Variants in GABRB1 observed in about 807,000 individuals in gnomAD.
The protein encoded by GABRB1 is gamma-aminobutyric acid type A receptor subunit beta1.
Under a neutral mutation model 51.6 loss-of-function variants are expected in GABRB1, and 17 were observed. The observed-to-expected ratio is 0.33, with a 90% CI of 0.23 to 0.49. The LOEUF is 0.49. GABRB1 is among the 20% of genes least tolerant of loss of function. The probability of loss-of-function intolerance (pLI) is 0.99; values close to 1 mark genes in which losing one functional copy is unlikely to be tolerated. For missense variants in GABRB1, 410 were observed against 600.6 expected (o/e 0.68, Z 3.32); for synonymous variants, 247 against 218.9 (o/e 1.13, Z -1.14).
At chr4:47,263,196 T>TAATAAATAAATAAATAAATAAATA (rs60437394) in intron 4 of GABRB1, among the ~76,000 whole-genome samples, 7 of 149,376 alleles carry the variant, frequency 4.7e-5, no homozygotes, top group African/African-American at 1.5e-4. Context: ...AGTATAATAA[T>TAATAAATAAATAAATAAATAAATA]AATAAATAAA....
At chr4:47,302,014 A>C (rs961341644) in intron 4 of GABRB1, among the ~76,000 whole-genome samples, 2 of 152,190 alleles carry the variant, frequency 1.3e-5, no homozygotes, top group African/African-American at 4.8e-5. Context: ...TGAAAGGTAA[A>C]GCCCTTTCTA....
chr4:47,169,261 T>A (rs960057829), intron 4 of GABRB1, among the ~76,000 whole-genome samples: 1 of 152,164 alleles, frequency 6.6e-6, no homozygotes. Context: ...TCACTGACTA[T>A]TTGATTATCT....
At chr4:47,295,006 G>A (rs1723915967) in intron 4 of GABRB1, among the ~76,000 whole-genome samples, 1 of 152,242 alleles carries the variant, frequency 6.6e-6, no homozygotes, top group Non-Finnish European at 1.5e-5. Context: ...AGGGTCTGGA[G>A]TGGACCTCTA....
At chr4:47,195,452 TAGATTAGATGATA>T (rs1719637684) in intron 4 of GABRB1, among the ~76,000 whole-genome samples, 60 of 96,628 alleles carry the variant, frequency 6.2e-4, no homozygotes, top group East Asian at 3.2e-3. Context: ...AGATGATAGA[TAGATTAGATGATA>T]GATAGATAGA....
intron 4 of GABRB1, among the ~76,000 whole-genome samples, chr4:47,185,155 A>T (rs1719123331): frequency 6.6e-6 from 1 of 151,854 alleles, no homozygotes; most frequent in Admixed American, 6.6e-5. Context: ...TCCTTTGCCA[A>T]GTAGTTATTT....
intron 4 of GABRB1, among the ~76,000 whole-genome samples, chr4:47,292,330 T>A (rs1451374453): frequency 6.6e-6 from 1 of 152,236 alleles, no homozygotes; most frequent in Non-Finnish European, 1.5e-5. Flanking sequence ...AATTGCCCAG[T>A]CTTGGGTATG....
chr4:47,001,404 A>G (rs181723566), intron 1 of GABRB1, among the ~76,000 whole-genome samples: 13 of 152,310 alleles, frequency 8.5e-5, no homozygotes, highest in Admixed American at 2.6e-4. Context: ...GGCCTCCCAA[A>G]GTGCTGGAAT....
At position 47,254,361 on chromosome 4, in the gene GABRB1, G is replaced by GTTTTT. The variant is rs56838956; in HGVS notation, c.462-65739_462-65735dup. Among the ~76,000 whole-genome samples, 26 of 80,966 alleles carry GTTTTT rather than the reference G, an allele frequency of 3.2e-4. 1 individual carries two copies. The highest frequency in any genetic ancestry group is 4.2e-4 in the African/African-American group (8 of 19,266). 53.1% of individuals were successfully genotyped at this position (80,966 alleles called of 152,430 possible). A position where few individuals can be genotyped will look rare whatever the true frequency, so the allele number is the denominator to read the frequency against. The stretch of plus-strand genomic sequence containing the variant: ...ATGGTGGATGATGTTTCTTTTCTTT[G>GTTTTT]TTTTTTTTTTTTTTTTTTTTTTTTT... On this transcript the variant is annotated intron_variant, in intron 4 of 8. Coordinates refer to ENST00000295454, the MANE Select transcript of GABRB1 (RefSeq NM_000812.4).
intron 3 of GABRB1, among the ~76,000 whole-genome samples, chr4:47,081,349 C>A (rs1020418245): frequency 2.6e-5 from 4 of 152,112 alleles, no homozygotes; most frequent in African/African-American, 9.7e-5. Context: ...TAACCTCAAC[C>A]ACTTGGTTGT....
chr4:47,372,624 A>G (rs1449364345), intron 5 of GABRB1, among the ~76,000 whole-genome samples: 2 of 152,226 alleles, frequency 1.3e-5, no homozygotes. Context: ...AAAAGAGTCA[A>G]GTCGGCTCTG....
At chr4:47,022,984 A>G (rs1216540626) in intron 1 of GABRB1, among the ~76,000 whole-genome samples, 1 of 152,096 alleles carries the variant, frequency 6.6e-6, no homozygotes, top group Non-Finnish European at 1.5e-5. Context: ...ACAGAGTACT[A>G]TTCAGCCATA....
At chr4:47,054,854 G>C (rs1726518214) in intron 3 of GABRB1, among the ~76,000 whole-genome samples, 1 of 152,186 alleles carries the variant, frequency 6.6e-6, no homozygotes, top group South Asian at 2.1e-4. Context: ...CAAAGTGCTG[G>C]GATTACAGGC....
At chr4:47,261,709 A>C (rs1037066359) in intron 4 of GABRB1, among the ~76,000 whole-genome samples, 2 of 152,082 alleles carry the variant, frequency 1.3e-5, no homozygotes, top group African/African-American at 4.8e-5. Context: ...GTTCATATGG[A>C]ACCAAAAAAG....
chr4:47,357,864 A>G (rs187760105), intron 5 of GABRB1, among the ~76,000 whole-genome samples: 12 of 152,260 alleles, frequency 7.9e-5, no homozygotes, highest in African/African-American at 2.6e-4. Context: ...TTTCTACTCA[A>G]ACTAGCCTTA....
chr4:47,133,015 G>A (rs1344078222), intron 3 of GABRB1, among the ~76,000 whole-genome samples: 1 of 151,722 alleles, frequency 6.6e-6, no homozygotes, highest in East Asian at 1.9e-4. Context: ...TTCTTTTTTT[G>A]AAACCCATCA....
intron 4 of GABRB1, among the ~76,000 whole-genome samples, chr4:47,217,831 T>C (rs1720614442): frequency 6.6e-6 from 1 of 151,802 alleles, no homozygotes; most frequent in African/African-American, 2.4e-5. Context: ...TCATTTCTTT[T>C]TGCTGGAAAC....
At chr4:47,261,474 C>T (rs1722434653) in intron 4 of GABRB1, among the ~76,000 whole-genome samples, 1 of 152,128 alleles carries the variant, frequency 6.6e-6, no homozygotes, top group African/African-American at 2.4e-5. Context: ...ACCTAGGAAT[C>T]CAACTTACAA....
At chr4:47,333,561 A>G (rs1271602067) in intron 5 of GABRB1, among the ~76,000 whole-genome samples, 1 of 152,198 alleles carries the variant, frequency 6.6e-6, no homozygotes, top group East Asian at 1.9e-4. Context: ...CTAAAAATAC[A>G]AAAATTAGCT....
intron 5 of GABRB1, among the ~76,000 whole-genome samples, chr4:47,402,912 C>T (rs994533695): frequency 2.0e-5 from 3 of 152,114 alleles, no homozygotes; most frequent in Non-Finnish European, 4.4e-5. Flanking sequence ...TATCTGTTAT[C>T]CATTTAACAA....
Sources: gnomAD v4.1 joint callset for allele counts (sites outside exome capture counted in the v4.1 genomes callset) on GRCh38, gnomAD v4.1.1 for gene constraint, MANE v1.5 for transcripts, NCBI Gene and HGNC (gene_info 2026-07-23, HGNC 2026-07-21) for gene names.